Variants in CHD9 observed in about 807,000 individuals in gnomAD.
CHD9 encodes the protein ATP-dependent chromatin remodeler CHD9.
CHD9 carries 77 observed loss-of-function variants against 316.1 expected under a neutral mutation model. That is an observed-to-expected ratio of 0.24 (90% CI 0.20 to 0.29). The LOEUF (loss-of-function observed/expected upper bound fraction) is 0.29, where lower values mean the gene tolerates loss of function less well. Ranked by LOEUF, CHD9 falls within the 10% of genes least tolerant of loss-of-function variation. The pLI is 1.00. For synonymous variants in CHD9, 1,129 were observed against 1,158.3 expected, an observed-to-expected ratio of 0.97 and a Z score of 0.51; for missense variants, 2,763 against 3,438.1, an observed-to-expected ratio of 0.80 and a Z score of 4.91.
At chr16:53,274,613 G>C (rs934190927) in intron 24 of CHD9, among the ~76,000 whole-genome samples, 4 of 152,054 alleles carry the variant, frequency 2.6e-5, no homozygotes, top group African/African-American at 9.6e-5. Flanking sequence ...GCGTCACCAC[G>C]CCCGGCTAAT....
At chr16:53,064,635 A>G (rs2152503204) in intron 1 of CHD9, among the ~76,000 whole-genome samples, 1 of 152,276 alleles carries the variant, frequency 6.6e-6, no homozygotes, top group African/African-American at 2.4e-5. Context: ...CGGACTAACC[A>G]AATTCACCAG....
chr16:53,068,628 C>T (rs2033735935), intron 1 of CHD9, among the ~76,000 whole-genome samples: 1 of 152,178 alleles, frequency 6.6e-6, no homozygotes, highest in Admixed American at 6.5e-5. Flanking sequence ...ACTGTATTCC[C>T]TCATATTCTG....
At chr16:53,098,802 A>G (rs1307712030) in intron 1 of CHD9, among the ~76,000 whole-genome samples, 1 of 152,088 alleles carries the variant, frequency 6.6e-6, no homozygotes, top group Non-Finnish European at 1.5e-5. Context: ...CAAGCCCTTA[A>G]CCCCTGGCTG....
At chr16:53,121,264 C>T (rs1043609701) in intron 1 of CHD9, 8 of 431,802 alleles carry the variant, frequency 1.9e-5, no homozygotes, top group Admixed American at 1.1e-4. Flanking sequence ...ATAACAGCCA[C>T]ATTTCATCCT....
chr16:53,262,404 C>T (rs1567581557), intron 19 of CHD9, among the ~76,000 whole-genome samples: 1 of 152,004 alleles, frequency 6.6e-6, no homozygotes. Flanking sequence ...TCTTCTTTTG[C>T]TCCTCAATAT....
chr16:53,126,546 T>A (rs2038974855), intron 1 of CHD9, among the ~76,000 whole-genome samples: 1 of 151,382 alleles, frequency 6.6e-6, no homozygotes, highest in Non-Finnish European at 1.5e-5. Context: ...CAGGTCTCAC[T>A]GAGGTAGGAT....
intron 13 of CHD9, among the ~76,000 whole-genome samples, chr16:53,244,180 C>G (rs2049352067): frequency 6.7e-6 from 1 of 149,958 alleles, no homozygotes; most frequent in Non-Finnish European, 1.5e-5. Context: ...ATTGTAGTTT[C>G]AAAGCATATT....
intron 17 of CHD9, among the ~76,000 whole-genome samples, chr16:53,252,984 G>A (rs2050253598): frequency 6.6e-6 from 1 of 152,164 alleles, no homozygotes; most frequent in Admixed American, 6.5e-5. Context: ...ATGGAAAACA[G>A]TATGGAGATT....
intron 1 of CHD9, among the ~76,000 whole-genome samples, chr16:53,076,166 T>A (rs1161835170): frequency 2.0e-5 from 3 of 152,248 alleles, no homozygotes. Context: ...CTCCATCAGA[T>A]ATATGATTTA....
intron 2 of CHD9, among the ~76,000 whole-genome samples, chr16:53,161,293 A>C (rs1452143553): frequency 6.6e-6 from 1 of 152,222 alleles, no homozygotes; most frequent in Non-Finnish European, 1.5e-5. Context: ...TATGAAATGC[A>C]AATGATTTAA....
At chr16:53,066,133 C>T (rs1381898083) in intron 1 of CHD9, among the ~76,000 whole-genome samples, 2 of 152,140 alleles carry the variant, frequency 1.3e-5, no homozygotes, top group African/African-American at 4.8e-5. Flanking sequence ...ACCCCAGTTC[C>T]ATCACTTACT....
rs578212566 is a variant in CHD9, at chr16:53,183,888, G to A, written c.1453-25594G>A. Among the ~76,000 whole-genome samples, 15 of 152,036 alleles carry A rather than the reference G, an allele frequency of 9.9e-5. 1 individual carries two copies. The South Asian group carries it at 3.1e-3, about 32-fold the overall frequency. On this transcript the variant is annotated intron_variant, in intron 2 of 38. Transcript: ENST00000447540. ...TTAGTGTCCTCATTCATAAAATGTG[G>A]ATAATATTGGTACCATCCACACAAG... is the stretch of plus-strand genomic sequence containing the variant.
chr16:53,239,082 CA>C (rs2048865881), intron 12 of CHD9, among the ~76,000 whole-genome samples: 1 of 151,964 alleles, frequency 6.6e-6, no homozygotes, highest in South Asian at 2.1e-4. Flanking sequence ...TTTTGCTTAC[CA>C]AAACAGGTAT....
chr16:53,080,672 G>A (rs1048074046), intron 1 of CHD9, among the ~76,000 whole-genome samples: 4 of 152,186 alleles, frequency 2.6e-5, no homozygotes, highest in South Asian at 2.1e-4. Flanking sequence ...AGTAAATACC[G>A]TGACTCTCTG....
chr16:53,139,588 AT>A (rs2039954976), intron 1 of CHD9, among the ~76,000 whole-genome samples: 1 of 152,148 alleles, frequency 6.6e-6, no homozygotes, highest in South Asian at 2.1e-4. Flanking sequence ...GGAGAAGCCT[AT>A]TGGTCATGGG....
chr16:53,188,323 A>G (rs1299983105), intron 2 of CHD9, among the ~76,000 whole-genome samples: 1 of 152,152 alleles, frequency 6.6e-6, no homozygotes, highest in Non-Finnish European at 1.5e-5. Flanking sequence ...TTTCTCTTGC[A>G]TATATTCCTA....
chr16:53,077,926 T>C (rs1431228420), intron 1 of CHD9, among the ~76,000 whole-genome samples: 1 of 152,058 alleles, frequency 6.6e-6, no homozygotes, highest in Non-Finnish European at 1.5e-5. Flanking sequence ...ATACAAAAAT[T>C]AGCCAGGCAT....
intron 1 of CHD9, among the ~76,000 whole-genome samples, chr16:53,143,362 A>ATTTATTTG (rs1359919954): frequency 1.6e-5 from 1 of 62,186 alleles, no homozygotes; most frequent in Non-Finnish European, 3.4e-5. Flanking sequence ...ATCTTATTTT[A>ATTTATTTG]TTTATTTATT....
At chr16:53,167,450 T>C (rs2042349885) in intron 2 of CHD9, among the ~76,000 whole-genome samples, 2 of 152,180 alleles carry the variant, frequency 1.3e-5, no homozygotes, top group Admixed American at 6.5e-5. Flanking sequence ...TTCTATATTA[T>C]AATTTCAGAG....
Sources: gnomAD v4.1 joint callset for allele counts (sites outside exome capture counted in the v4.1 genomes callset) on GRCh38, gnomAD v4.1.1 for gene constraint, MANE v1.5 for transcripts, NCBI Gene and HGNC (gene_info 2026-07-23, HGNC 2026-07-21) for gene names.